Variants in ZNRF1 observed in about 807,000 individuals in gnomAD.
ZNRF1 encodes the protein E3 ubiquitin-protein ligase ZNRF1.
ZNRF1 carries 3 observed loss-of-function variants against 18.4 expected under a neutral mutation model. That is an observed-to-expected ratio of 0.16 (90% confidence interval 0.07 to 0.42). ZNRF1 has a LOEUF of 0.42. ZNRF1 is among the 10% of genes least tolerant of loss of function. The probability of loss-of-function intolerance (pLI) is 0.99; values close to 1 mark genes in which losing one functional copy is unlikely to be tolerated. For missense variants in ZNRF1, 310 were observed against 329.8 expected, an observed-to-expected ratio of 0.94 and a Z score of 0.47; for synonymous variants, 157 against 144.2, an observed-to-expected ratio of 1.09 and a Z score of -0.64.
At chr16:75,037,748 A>G (rs1488938920) in intron 1 of ZNRF1, among the ~76,000 whole-genome samples, 5 of 152,150 alleles carry the variant, frequency 3.3e-5, no homozygotes, top group African/African-American at 1.2e-4. Context: ...CCCCAAATCT[A>G]TGAATAGAAT....
intron 1 of ZNRF1, among the ~76,000 whole-genome samples, chr16:75,010,539 C>T (rs1430746918): frequency 6.6e-6 from 1 of 151,972 alleles, no homozygotes; most frequent in Non-Finnish European, 1.5e-5. Flanking sequence ...AATTTCACTT[C>T]GTATTTAGGT....
At chr16:75,084,362 A>G (rs2036050764) in intron 1 of ZNRF1, 1 of 152,228 alleles carries the variant, frequency 6.6e-6, no homozygotes, top group African/African-American at 2.4e-5. Flanking sequence ...TTGAGGCTGC[A>G]TATTGAAAGG....
At chr16:75,033,091 C>T (rs902888257) in intron 1 of ZNRF1, among the ~76,000 whole-genome samples, 27 of 152,086 alleles carry the variant, frequency 1.8e-4, no homozygotes, top group African/African-American at 5.6e-4. Context: ...TTTCTTTATA[C>T]GTCTGTCCTT....
In ZNRF1 at chr16:75,110,521, T is replaced by G. The variant is rs1331783524; in HGVS notation, c.*2821T>G. Reference sequence around the variant, plus strand: ...TTCTTAGGAGATAGATGCTGGATTATATAGGTGAATGCCTTCAAGAAATGT... The same window carrying G: ...TTCTTAGGAGATAGATGCTGGATTAGATAGGTGAATGCCTTCAAGAAATGT... On this transcript the variant is annotated 3_prime_UTR_variant, in exon 5 of 5. Transcript: ENST00000335325. 1 of 152,224 alleles carries G rather than the reference T, an allele frequency of 6.6e-6. No homozygotes were observed. Among genetic ancestry groups the G allele is most frequent in the Admixed American group, 6.5e-5 (1 of 15,276 alleles). The allele number at this position is 152,224 out of a possible 1,614,324, so 9.4% of individuals were successfully genotyped here.
intron 1 of ZNRF1, among the ~76,000 whole-genome samples, chr16:75,001,826 GTTATGAGC>G (rs1207049430): frequency 6.6e-6 from 1 of 152,128 alleles, no homozygotes; most frequent in African/African-American, 2.4e-5. Flanking sequence ...CCATGCTACA[GTTATGAGC>G]TTGTAGTTGG....
At chr16:75,069,032 A>G (rs1428572916) in intron 1 of ZNRF1, among the ~76,000 whole-genome samples, 1 of 152,046 alleles carries the variant, frequency 6.6e-6, no homozygotes, top group Non-Finnish European at 1.5e-5. Flanking sequence ...AAAGGGACCC[A>G]AGAAAGTCAG....
At chr16:75,073,721 A>C (rs187904950) in intron 1 of ZNRF1, among the ~76,000 whole-genome samples, 1 of 152,022 alleles carries the variant, frequency 6.6e-6, no homozygotes, top group African/African-American at 2.4e-5. Context: ...CATCATGTAC[A>C]TGCTCTGCGG....
In ZNRF1 at chr16:75,072,229, C is replaced by T. The variant is rs147006604; in HGVS notation, c.425-21343C>T. Among the ~76,000 whole-genome samples, 28 of 152,238 alleles carry T rather than the reference C, an allele frequency of 1.8e-4. No homozygotes were observed. In the East Asian group the frequency reaches 5.2e-3, roughly 28 times the overall value. On this transcript the variant is annotated intron_variant, in intron 1 of 4. Transcript: ENST00000335325. ...TCAAGCAGTCCTCCTGCCTCAGCCT[C>T]CCAAAGTGCTGGGATTACAGGTATG... is the stretch of plus-strand genomic sequence containing the variant.
chr16:75,060,926 C>A (rs1347686972), intron 1 of ZNRF1, among the ~76,000 whole-genome samples: 10 of 152,074 alleles, frequency 6.6e-5, no homozygotes, highest in Admixed American at 6.6e-4. Flanking sequence ...AGGAAGTTCT[C>A]AAGAAGGCTG....
chr16:75,042,853 T>C (rs1305888610), intron 1 of ZNRF1, among the ~76,000 whole-genome samples: 1 of 152,168 alleles, frequency 6.6e-6, no homozygotes, highest in Non-Finnish European at 1.5e-5. Context: ...TCACTGCTCT[T>C]TAGAGGTTAT....
intron 1 of ZNRF1, among the ~76,000 whole-genome samples, chr16:75,051,045 A>C (rs113854076): frequency 0.045 from 3,224 of 71,108 alleles, 153 homozygotes; most frequent in African/African-American, 0.09. Flanking sequence ...GAAAAAAAAA[A>C]AAAACAAAAC....
At chr16:75,090,962 G>C (rs2036130698) in intron 1 of ZNRF1, among the ~76,000 whole-genome samples, 1 of 152,038 alleles carries the variant, frequency 6.6e-6, no homozygotes, top group African/African-American at 2.4e-5. Context: ...TGTTGCTCAG[G>C]CTAGTCTTGA....
chr16:75,101,544 C>G (rs2036255746), intron 2 of ZNRF1, among the ~76,000 whole-genome samples: 1 of 146,410 alleles, frequency 6.8e-6, no homozygotes, highest in Non-Finnish European at 1.5e-5. Flanking sequence ...GACTCCATGT[C>G]AAAAAAAAAA....
chr16:75,077,982 A>G (rs1172104757), intron 1 of ZNRF1, among the ~76,000 whole-genome samples: 3 of 152,214 alleles, frequency 2.0e-5, no homozygotes. Flanking sequence ...GCTTTTCGCC[A>G]TGTAAGGTAA....
intron 1 of ZNRF1, among the ~76,000 whole-genome samples, chr16:75,065,678 C>T (rs1227561355): frequency 6.6e-6 from 1 of 152,220 alleles, no homozygotes; most frequent in East Asian, 1.9e-4. Flanking sequence ...TGTATCCTTC[C>T]TTATGCTTAT....
chr16:75,040,211 A>T (rs969754262), intron 1 of ZNRF1, among the ~76,000 whole-genome samples: 2 of 151,904 alleles, frequency 1.3e-5, no homozygotes, highest in African/African-American at 4.8e-5. Flanking sequence ...CGCATGGCTT[A>T]AAATCCAATT....
intron 1 of ZNRF1, among the ~76,000 whole-genome samples, chr16:75,029,917 G>A (rs1032836405): frequency 6.6e-6 from 1 of 151,882 alleles, no homozygotes; most frequent in Non-Finnish European, 1.5e-5. Flanking sequence ...AATTAGCCAG[G>A]TGTTGTGTTG....
intron 2 of ZNRF1, chr16:75,095,734 T>G: frequency 6.5e-7 from 1 of 1,533,684 alleles, no homozygotes; most frequent in African/African-American, 1.4e-5. Context: ...CCCACTGCCC[T>G]GTGGAGAACC....
chr16:75,048,237 C>T (rs940992317), intron 1 of ZNRF1, among the ~76,000 whole-genome samples: 5 of 152,194 alleles, frequency 3.3e-5, no homozygotes, highest in Non-Finnish European at 7.3e-5. Context: ...AGACATGAGT[C>T]AGCCCCAGCC....
Sources: gnomAD v4.1 joint callset for allele counts (sites outside exome capture counted in the v4.1 genomes callset) on GRCh38, gnomAD v4.1.1 for gene constraint, MANE v1.5 for transcripts, NCBI Gene and HGNC (gene_info 2026-07-23, HGNC 2026-07-21) for gene names.